TENM3: variants seen among roughly 807,000 people sequenced by gnomAD.
The protein encoded by TENM3 is teneurin-3.
A neutral mutation model predicts 255.1 loss-of-function variants in TENM3; 63 were observed. The ratio of observed to expected loss-of-function variants is 0.25; its 90% CI spans 0.20 to 0.30. The LOEUF is 0.30. TENM3 is among the 10% of genes least tolerant of loss of function. The pLI, the probability that TENM3 is intolerant of heterozygous loss-of-function variation, is 1.00. For synonymous variants in TENM3, 1,306 were observed against 1,322.3 expected (o/e 0.99, Z 0.27); for missense variants, 2,929 against 3,461.1 (o/e 0.85, Z 3.86).
chr4:181,818,659 G>A, the TENM3 span, among the ~76,000 whole-genome samples: 1 of 150,676 alleles, frequency 6.6e-6, no homozygotes, highest in Non-Finnish European at 1.5e-5. Flanking sequence ...ACCCAGGCTG[G>A]AGTGCAGTGG....
chr4:181,684,305 G>A, the TENM3 span, among the ~76,000 whole-genome samples: 1 of 152,266 alleles, frequency 6.6e-6, no homozygotes, highest in Middle Eastern at 3.4e-3. Flanking sequence ...AGTAGGCTTA[G>A]GAATCCATTA....
the TENM3 span, among the ~76,000 whole-genome samples, chr4:181,579,307 C>A: frequency 2.5e-4 from 38 of 152,148 alleles, no homozygotes; most frequent in East Asian, 9.7e-4. Flanking sequence ...CCACTCCCCC[C>A]ACATCTACTC....
intron 3 of TENM3, among the ~76,000 whole-genome samples, chr4:182,517,540 C>A (rs542536477): frequency 6.8e-6 from 1 of 146,706 alleles, no homozygotes; most frequent in African/African-American, 2.5e-5. Context: ...CCCGCTACCA[C>A]GCCCGGCTAA....
chr4:181,553,201 A>C, the TENM3 span, among the ~76,000 whole-genome samples: 4 of 151,728 alleles, frequency 2.6e-5, no homozygotes, highest in African/African-American at 9.7e-5. Flanking sequence ...AGATCCAGAA[A>C]ATTTTAGAGT....
In TENM3 at chr4:182,425,544, T is replaced by C. The variant is rs796631889; in HGVS notation, c.511+78615T>C. On this transcript the variant is annotated intron_variant, in intron 3 of 27. Transcript: ENST00000511685. ...GTAGTATGTGCTGCCTTTTCTGGAG[T>C]TCCTGATGAAACACAGATGTTTCAA... 1.5e-4 allele frequency among the ~76,000 whole-genome samples: 23 copies of C among 152,144 alleles called. 1 individual carries two copies. Among genetic ancestry groups the C allele is most frequent in the African/African-American group, 5.1e-4 (21 of 41,492 alleles).
chr4:182,377,075 T>C (rs1767225591), intron 3 of TENM3, among the ~76,000 whole-genome samples: 1 of 152,150 alleles, frequency 6.6e-6, no homozygotes, highest in Non-Finnish European at 1.5e-5. Flanking sequence ...TAAACATGTC[T>C]TGGTTTGGTC....
chr4:182,291,846 G>A (rs545036625), intron 1 of TENM3, among the ~76,000 whole-genome samples: 8 of 152,196 alleles, frequency 5.3e-5, no homozygotes, highest in African/African-American at 1.4e-4. Context: ...TTGTCTCCAG[G>A]CGCTCTAGGG....
At chr4:182,021,048 T>C in the TENM3 span, among the ~76,000 whole-genome samples, 1 of 152,136 alleles carries the variant, frequency 6.6e-6, no homozygotes, top group Non-Finnish European at 1.5e-5. Flanking sequence ...ATAACCCAAA[T>C]AGTGACCACA....
chr4:181,506,195 A>G, the TENM3 span, among the ~76,000 whole-genome samples: 1 of 152,132 alleles, frequency 6.6e-6, no homozygotes, highest in Non-Finnish European at 1.5e-5. Context: ...AATAAAGAAC[A>G]ATATTTCTCC....
At chr4:182,378,196 A>G (rs1359883053) in intron 3 of TENM3, among the ~76,000 whole-genome samples, 1 of 152,226 alleles carries the variant, frequency 6.6e-6, no homozygotes, top group Non-Finnish European at 1.5e-5. Flanking sequence ...TTTATAAATA[A>G]GGAAACCAAC....
intron 3 of TENM3, among the ~76,000 whole-genome samples, chr4:182,397,379 G>A (rs1768902988): frequency 8.6e-6 from 1 of 116,448 alleles, no homozygotes; most frequent in East Asian, 2.7e-4. Context: ...GCAGCCTGGT[G>A]ACAGAGCGAG....
chr4:182,272,035 A>T (rs1759667957), intron 1 of TENM3, among the ~76,000 whole-genome samples: 1 of 152,218 alleles, frequency 6.6e-6, no homozygotes, highest in South Asian at 2.1e-4. Flanking sequence ...CTCTCAACAG[A>T]GATATAAAAA....
chr4:182,628,434 A>G (rs1447499663), intron 4 of TENM3, among the ~76,000 whole-genome samples: 1 of 152,176 alleles, frequency 6.6e-6, no homozygotes, highest in East Asian at 1.9e-4. Flanking sequence ...TGCTATCTAC[A>G]TTAGAAATCA....
chr4:182,555,928 C>G (rs1043608823), intron 3 of TENM3, among the ~76,000 whole-genome samples: 8 of 151,852 alleles, frequency 5.3e-5, no homozygotes, highest in Admixed American at 3.3e-4. Flanking sequence ...TCTACAAACA[C>G]TGAAGAGTTT....
intron 3 of TENM3, among the ~76,000 whole-genome samples, chr4:182,475,050 G>T (rs1459679669): frequency 6.6e-6 from 1 of 152,200 alleles, no homozygotes; most frequent in Non-Finnish European, 1.5e-5. Flanking sequence ...CCTCTGAACT[G>T]CAAGGGCTTC....
the TENM3 span, among the ~76,000 whole-genome samples, chr4:182,118,672 G>A: frequency 1.3e-5 from 2 of 151,996 alleles, no homozygotes; most frequent in African/African-American, 2.4e-5. Flanking sequence ...ATTATGAATA[G>A]GTGTTAGATT....
the TENM3 span, among the ~76,000 whole-genome samples, chr4:181,910,771 C>T: frequency 1.3e-5 from 2 of 151,672 alleles, no homozygotes; most frequent in Non-Finnish European, 2.9e-5. Flanking sequence ...GCCACTGTGC[C>T]TGGCCTCACT....
At chr4:182,232,570 G>A (rs1007594000) in intron 1 of TENM3, among the ~76,000 whole-genome samples, 9 of 151,978 alleles carry the variant, frequency 5.9e-5, no homozygotes, top group East Asian at 1.9e-4. Context: ...CTAAAAATAC[G>A]AAAATTAGCT....
chr4:182,235,135 C>T lies in TENM3; in HGVS notation c.-75-88811C>T, dbSNP rs1195656934. On this transcript the variant is annotated intron_variant, in intron 1 of 2. Coordinates refer to the TENM3 transcript ENST00000512480. ...TTTGGACCTCACTGGAAGCCAGTGG[C>T]CCTCATATTCTGAGTATTCCTGTGG... 9.2e-5 allele frequency among the ~76,000 whole-genome samples: 14 copies of T among 152,284 alleles called. No homozygotes were observed. The South Asian group carries it at 2.5e-3, about 27-fold the overall frequency.
Sources: gnomAD v4.1 joint callset for allele counts (sites outside exome capture counted in the v4.1 genomes callset) on GRCh38, gnomAD v4.1.1 for gene constraint, MANE v1.5 for transcripts, NCBI Gene and HGNC (gene_info 2026-07-23, HGNC 2026-07-21) for gene names.